Variants in CTBP2 observed in about 807,000 individuals in gnomAD.
CTBP2 encodes the protein C-terminal-binding protein 2.
In CTBP2, 30 loss-of-function variants were observed where a neutral mutation model predicts 80.3. The observed-to-expected ratio is 0.37, with a 90% CI of 0.28 to 0.51. CTBP2 has a LOEUF of 0.51. Among genes scored for constraint, CTBP2 ranks in the 20% least tolerant of loss-of-function variants. The pLI is 0.93. For synonymous variants in CTBP2, 594 were observed against 587.4 expected, an observed-to-expected ratio of 1.01 and a Z score of -0.16; for missense variants, 1,212 against 1,375.3, an observed-to-expected ratio of 0.88 and a Z score of 1.88.
rs1383506565 is a variant in CTBP2 at position 124,988,618 on chromosome 10, A to AAATC, written c.*899_*900insGATT. Reference sequence around the variant, plus strand: ...TGATACAAATCTAATAGGATTTGTTAAAATCAGTCACATCTAATACATCTG... The same window carrying AAATC: ...TGATACAAATCTAATAGGATTTGTTAAATCAAATCAGTCACATCTAATACATCTG... On this transcript the variant is annotated 3_prime_UTR_variant, in exon 9 of 9. Transcript: ENST00000309035. 6.6e-6 allele frequency: 1 copy of AAATC among 152,648 alleles called. No individual in the cohort carries two copies. 9.5% of individuals were successfully genotyped at this position (152,648 alleles called of 1,614,324 possible).
chr10:125,039,868 A>G (rs1031701224), intron 2 of CTBP2, among the ~76,000 whole-genome samples: 2 of 152,300 alleles, frequency 1.3e-5, no homozygotes, highest in East Asian at 3.9e-4. Flanking sequence ...TCTTAGTGTG[A>G]GAGTGTAACC....
At chr10:125,142,940 C>T (rs1045251165) in intron 1 of CTBP2, among the ~76,000 whole-genome samples, 1 of 152,192 alleles carries the variant, frequency 6.6e-6, no homozygotes, top group African/African-American at 2.4e-5. Flanking sequence ...GCTGAAAGGA[C>T]ACGCGAGCTT....
chr10:125,099,363 C>T (rs567696677), intron 2 of CTBP2, among the ~76,000 whole-genome samples: 48 of 152,208 alleles, frequency 3.2e-4, no homozygotes, highest in Non-Finnish European at 5.7e-4. Context: ...GCTTCCTTTC[C>T]GGGGCAACTG....
intron 1 of CTBP2, among the ~76,000 whole-genome samples, chr10:125,011,738 G>A (rs1366968652): frequency 6.6e-6 from 1 of 152,238 alleles, no homozygotes; most frequent in Admixed American, 6.5e-5. Context: ...GAACGGAGGA[G>A]CACAGCGGGC....
chr10:125,122,334 T>G (rs1704054008), intron 1 of CTBP2, among the ~76,000 whole-genome samples: 1 of 152,244 alleles, frequency 6.6e-6, no homozygotes, highest in African/African-American at 2.4e-5. Context: ...AGTATGTATG[T>G]TCAAAATGCA....
chr10:125,147,213 C>G (rs1591083723), intron 1 of CTBP2, among the ~76,000 whole-genome samples: 1 of 152,174 alleles, frequency 6.6e-6, no homozygotes, highest in South Asian at 2.1e-4. Context: ...GTCATGCCCA[C>G]GTTCACTGTG....
At chr10:125,021,999 T>C (rs1032455741) in intron 1 of CTBP2, among the ~76,000 whole-genome samples, 34 of 152,222 alleles carry the variant, frequency 2.2e-4, no homozygotes, top group African/African-American at 8.2e-4. Context: ...ATGTTTTTAC[T>C]ACGCAGGCAT....
At chr10:125,028,905 C>G (rs1296919332), upstream of CTBP2, among the ~76,000 whole-genome samples, 1 of 152,202 alleles carries the variant, frequency 6.6e-6, no homozygotes, top group Non-Finnish European at 1.5e-5. Flanking sequence ...ATGCAAAGAA[C>G]AGCAGTTATT....
intron 2 of CTBP2, among the ~76,000 whole-genome samples, chr10:125,068,663 A>G (rs1287392968): frequency 6.6e-6 from 1 of 152,220 alleles, no homozygotes; most frequent in East Asian, 1.9e-4. Flanking sequence ...GGCCGAGACA[A>G]CTACTGGGTT....
chr10:125,017,475 G>C (rs749060968), intron 1 of CTBP2, among the ~76,000 whole-genome samples: 10 of 152,112 alleles, frequency 6.6e-5, no homozygotes, highest in Admixed American at 1.3e-4. Flanking sequence ...AGGATTGCAC[G>C]GGATGCTGTG....
At chr10:125,045,912 C>G (rs1048738169) in intron 2 of CTBP2, among the ~76,000 whole-genome samples, 2 of 151,938 alleles carry the variant, frequency 1.3e-5, no homozygotes, top group African/African-American at 4.8e-5. Flanking sequence ...ATGGTCACAC[C>G]CTGGTCACAT....
At chr10:125,154,451 C>A (rs1051571284) in intron 1 of CTBP2, among the ~76,000 whole-genome samples, 15 of 152,210 alleles carry the variant, frequency 9.9e-5, no homozygotes, top group African/African-American at 3.6e-4. Context: ...TCTATAGAAA[C>A]AAAATCATCA....
At chr10:125,132,813 A>G (rs1474806753) in intron 1 of CTBP2, among the ~76,000 whole-genome samples, 1 of 152,268 alleles carries the variant, frequency 6.6e-6, no homozygotes, top group Non-Finnish European at 1.5e-5. Context: ...TATCAACAAC[A>G]AGAATCCGAT....
chr10:125,160,196 T>TTCCTCCTCC (rs371214388), intron 1 of CTBP2, 123 bp downstream of exon 1: 5 of 149,134 alleles, frequency 3.4e-5, no homozygotes, highest in African/African-American at 9.9e-5. Context: ...CTTCGCCCTC[T>TTCCTCCTCC]TCCTCCTCCT....
rs550423749 is a variant in CTBP2 at position 125,066,810 on chromosome 10, C to T, written c.-101-27655G>A. Among the ~76,000 whole-genome samples, 3 of 152,298 alleles carry T rather than the reference C, an allele frequency of 2.0e-5. No individual in the cohort carries two copies. The highest frequency in any genetic ancestry group is 1.3e-4 in the Admixed American group (2 of 15,292). The stretch of plus-strand genomic sequence containing the variant: ...ACAAAAAAGGAACTAGCCCATGTGT[C>T]GATCAGTAAATGCCTCAGGGTGAAC... On this transcript the variant is annotated intron_variant, in intron 2 of 10. Coordinates refer to the CTBP2 transcript ENST00000337195. The surrounding 1 kb of genome is among the most constrained non-coding windows in gnomAD (Gnocchi z 4.1).
intron 1 of CTBP2, among the ~76,000 whole-genome samples, chr10:125,006,630 C>A (rs999641514): frequency 6.6e-6 from 1 of 152,214 alleles, no homozygotes; most frequent in Non-Finnish European, 1.5e-5. Context: ...CAAACAGATC[C>A]CCCATCTTAC....
At chr10:125,153,798 G>C (rs1172089713) in intron 1 of CTBP2, among the ~76,000 whole-genome samples, 1 of 152,246 alleles carries the variant, frequency 6.6e-6, no homozygotes, top group Non-Finnish European at 1.5e-5. Flanking sequence ...TCCTTCCAGA[G>C]AAACTTCCTC....
At chr10:125,101,549 C>T (rs972826547) in intron 2 of CTBP2, among the ~76,000 whole-genome samples, 6 of 152,208 alleles carry the variant, frequency 3.9e-5, no homozygotes, top group African/African-American at 1.4e-4. Flanking sequence ...CCAAACCTTT[C>T]ACTGCTTGAT....
intron 5 of CTBP2, 87 bp from the exon 8 acceptor site, chr10:124,994,072 T>A: frequency 6.4e-7 from 1 of 1,556,518 alleles, no homozygotes. Context: ...AGCTGCAAGC[T>A]AGTTTTGTTG....
Sources: gnomAD v4.1 joint callset for allele counts (sites outside exome capture counted in the v4.1 genomes callset) on GRCh38, gnomAD v4.1.1 for gene constraint, Gnocchi (gnomAD v3.1) non-coding constraint, MANE v1.5 for transcripts, NCBI Gene and HGNC (gene_info 2026-07-23, HGNC 2026-07-21) for gene names.